Variants in KIRREL2 observed in about 807,000 individuals in gnomAD.
KIRREL2 encodes the protein kin of IRRE-like protein 2.
In KIRREL2, 56 loss-of-function variants were observed where a neutral mutation model predicts 73.4. That is an observed-to-expected ratio of 0.76 (90% CI 0.62 to 0.95). The LOEUF (loss-of-function observed/expected upper bound fraction) is 0.95. Among genes scored for constraint, KIRREL2 ranks in the 40% least tolerant of loss-of-function variants. The pLI is 0.00. For synonymous variants in KIRREL2, 407 were observed against 404.0 expected (o/e 1.01, Z -0.09); for missense variants, 896 against 935.0 (o/e 0.96, Z 0.54).
chr19:35,866,026 T>C, intron 14 of KIRREL2, 131 bp from the exon 15 acceptor site: 4 of 820,614 alleles, frequency 4.9e-6, no homozygotes, highest in Non-Finnish European at 5.9e-6. Flanking sequence ...TGTGTGTCTC[T>C]GTGTCTCTGC....
upstream of KIRREL2, among the ~76,000 whole-genome samples, chr19:35,855,442 T>C (rs1039395502): frequency 6.6e-6 from 1 of 151,758 alleles, no homozygotes; most frequent in Admixed American, 6.6e-5. Flanking sequence ...AACAGCCCCA[T>C]GACTTGAGTT....
intron 12 of KIRREL2, 148 bp from the exon 13 acceptor site, chr19:35,862,779 C>CA (rs749067975): frequency 2.6e-5 from 18 of 682,016 alleles, no homozygotes; most frequent in Admixed American, 1.2e-4. Flanking sequence ...CCCAGGGTCA[C>CA]ACTCCTCGGT....
chr19:35,854,727 A>G (rs148060673), upstream of KIRREL2, among the ~76,000 whole-genome samples: 2 of 151,712 alleles, frequency 1.3e-5, no homozygotes, highest in East Asian at 2.0e-4. Context: ...CTCCATCTCT[A>G]TATGTCTCTG....
At position 35,856,989 on chromosome 19, in the gene KIRREL2, C is replaced by T; in HGVS notation, c.-131C>T. 1 of 937,418 alleles carries T rather than the reference C, an allele frequency of 1.1e-6. No homozygotes were observed. The highest frequency in any genetic ancestry group is 1.7e-6 in the Non-Finnish European group (1 of 579,402). The allele number at this position is 937,418 out of a possible 1,614,324, so 58.1% of individuals were successfully genotyped here. Reference sequence around the variant, plus strand: ...TGAGCAGACTTGGAGGACTCCAGGCCAGAGACTAGGCTGGGCGAAGAGTCG... The same window carrying T: ...TGAGCAGACTTGGAGGACTCCAGGCTAGAGACTAGGCTGGGCGAAGAGTCG... On this transcript the variant is annotated 5_prime_UTR_variant, in exon 1 of 15. Coordinates refer to ENST00000360202, the MANE Select transcript of KIRREL2 (RefSeq NM_199180.4). The surrounding 1 kb of genome is among the most constrained non-coding windows in gnomAD (Gnocchi z 5.9).
chr19:35,861,924 C>T lies in KIRREL2; in HGVS notation c.1410C>T (p.His470=). Residue 470 remains histidine, a synonymous_variant, in exon 11 of 15, where the codon CAC becomes CAT. Coordinates refer to ENST00000360202, the MANE Select transcript of KIRREL2 (RefSeq NM_199180.4). ...GTCCGGGCCTGATCTCTGTGCTACA[C>T]ATTTCGGGGACCCAGGAGTCTGACT... is the stretch of plus-strand genomic sequence containing the variant. The part of the protein sequence containing the change: ...GLGPGLISVL[H]ISGTQESDFS... The T allele has an allele frequency of 1.2e-6, 2 of 1,612,322 alleles. No individual in the cohort carries two copies. The highest frequency in any genetic ancestry group is 1.3e-5 in the African/African-American group (1 of 75,010).
At chr19:35,863,765 C>CTTTT (rs1300301856) in intron 13 of KIRREL2, among the ~76,000 whole-genome samples, 1 of 147,026 alleles carries the variant, frequency 6.8e-6, no homozygotes, top group Non-Finnish European at 1.5e-5. Flanking sequence ...GGGCTCAAGT[C>CTTTT]TTTTTTTTTC....
In KIRREL2 at chr19:35,861,017, C is replaced by G. The variant is rs1392315889; in HGVS notation, c.1037C>G (p.Thr346Ser). 1.2e-6 allele frequency: 2 copies of G among 1,611,786 alleles called. No homozygotes were observed. The highest frequency in any genetic ancestry group is 1.7e-6 in the Non-Finnish European group (2 of 1,179,344). The change falls in exon 8 of 15, where the codon ACC (threonine) becomes AGC (serine). Residue 346 changes from threonine to serine, a missense_variant. Physicochemically the swap from Thr to Ser is moderately conservative, Grantham distance 58 (BLOSUM62 1). Transcript: ENST00000360202. ...AACCCGCTTCCACGGGTAACCTGGA[C>G]CCGCCGCGGTGGCGCGCAGGTACAG... ...RGNPLPRVTW[T>S]RRGGAQVLGS...
chr19:35,858,663 G>A (rs1973533458), intron 3 of KIRREL2, 41 bp from the exon 4 acceptor site: 1 of 1,611,216 alleles, frequency 6.2e-7, no homozygotes, highest in Non-Finnish European at 8.5e-7. Flanking sequence ...TTGGAGCTGA[G>A]AAGATCAGGA....
chr19:35,862,682 C>T lies in KIRREL2; in HGVS notation c.1615+85C>T. ...CCCAGTGACCTGACCTGGCCTTGGGCCTTGGCTCCAGTCCCATTTCCAGCT... is the reference window on the plus strand; with the variant it reads ...CCCAGTGACCTGACCTGGCCTTGGGTCTTGGCTCCAGTCCCATTTCCAGCT... On this transcript the variant is annotated intron_variant, in intron 12 of 14. Coordinates refer to ENST00000360202, the MANE Select transcript of KIRREL2 (RefSeq NM_199180.4). 3.9e-6 allele frequency: 4 copies of T among 1,028,476 alleles called. No individual in the cohort carries two copies. In the South Asian group the frequency reaches 5.2e-5, roughly 13 times the overall value. 63.7% of individuals were successfully genotyped at this position (1,028,476 alleles called of 1,614,324 possible).
At chr19:35,851,907 G>A (rs1258947180), upstream of KIRREL2, 2 of 1,376,792 alleles carry the variant, frequency 1.5e-6, no homozygotes, top group Admixed American at 3.9e-5. Context: ...GCTTTCTCTG[G>A]GTCCCTCTCT....
In KIRREL2 at chr19:35,860,298, C is replaced by A. The variant is rs779772662; in HGVS notation, c.675C>A (p.Tyr225Ter). The change falls in exon 6 of 15, where the codon TAC becomes TAA. Residue 225 changes from tyrosine to a stop codon, truncating the protein, a stop_gained and splice_region_variant. Coordinates refer to ENST00000360202, the MANE Select transcript of KIRREL2 (RefSeq NM_199180.4). LOFTEE classifies it high-confidence loss of function. ...CTGACCATTGTCCCACCCTCACAGA[C>A]CCCCCAGAGGTGACTCTGTCTGCTT... ...RDTAITLSLQ[Y>*]PPEVTLSASP... The A allele has an allele frequency of 1.6e-5, 25 of 1,612,312 alleles. No homozygotes were observed. Among genetic ancestry groups the A allele is most frequent in the South Asian group, 1.3e-4 (12 of 90,984 alleles).
In KIRREL2 at chr19:35,866,580, T is replaced by G. The variant is rs775434251; in HGVS notation, c.*88T>G. On this transcript the variant is annotated 3_prime_UTR_variant, in exon 15 of 15. Transcript: ENST00000360202. ...GAGGAGCCAGGACAAGTTGGCGACCTTACTCCTCCAAAACTGAACACAAGG... is the reference window on the plus strand; with the variant it reads ...GAGGAGCCAGGACAAGTTGGCGACCGTACTCCTCCAAAACTGAACACAAGG... 2 of 1,582,248 alleles carry G rather than the reference T, an allele frequency of 1.3e-6. No individual in the cohort carries two copies. Among genetic ancestry groups the G allele is most frequent in the Non-Finnish European group, 1.7e-6 (2 of 1,158,746 alleles).
chr19:35,866,444 T>C lies in KIRREL2; in HGVS notation c.2079T>C (p.Tyr693=), dbSNP rs770641854. ...CCCCCGGGACTCCCCCCTTCCCATA[T>C]GCTGCCTTCCCCACACCTAGCCACC... ...DLAPGTPPFP[Y]AAFPTPSHPR... Residue 693 remains tyrosine, a synonymous_variant, in exon 15 of 15, where the codon TAT becomes TAC. Transcript: ENST00000360202. The C allele has an allele frequency of 4.4e-6, 7 of 1,602,144 alleles. No individual in the cohort carries two copies. The African/African-American group carries it at 5.4e-5, about 12-fold the overall frequency.
chr19:35,857,539 A>G, intron 2 of KIRREL2, 45 bp downstream of exon 2: 1 of 1,492,798 alleles, frequency 6.7e-7, no homozygotes, highest in Non-Finnish European at 8.9e-7. Flanking sequence ...CTAGGGGGAG[A>G]GTTGCTGGGC....
At position 35,860,929 on chromosome 19, in the gene KIRREL2, A is replaced by C; in HGVS notation, c.949A>C (p.Lys317Gln). Residue 317 changes from lysine to glutamine, a missense_variant, in exon 8 of 15, where the codon AAG becomes CAG. Coordinates refer to ENST00000360202, the MANE Select transcript of KIRREL2 (RefSeq NM_199180.4). Reference sequence around the variant, plus strand: ...TCCAGTTGGGCCGATTCTGCAGGCAAAGCCGGAGCCCGTGTCCGTGGACGT... The same window carrying C: ...TCCAGTTGGGCCGATTCTGCAGGCACAGCCGGAGCCCGTGTCCGTGGACGT... ...DVLFGPILQA[K>Q]PEPVSVDVGE... The C allele has an allele frequency of 6.2e-7, 1 of 1,613,858 alleles. No homozygotes were observed. Among genetic ancestry groups the C allele is most frequent in the Non-Finnish European group, 8.5e-7 (1 of 1,179,980 alleles).
At position 35,866,412 on chromosome 19, in the gene KIRREL2, G is replaced by A. The variant is rs1033765015; in HGVS notation, c.2047G>A (p.Asp683Asn). The change falls in exon 15 of 15, where the codon GAT becomes AAT. Residue 683 changes from aspartate to asparagine, a missense_variant. Physicochemically the swap from Asp to Asn is conservative, Grantham distance 23. Transcript: ENST00000360202. ...YIKPTSFGPP[D>N]LAPGTPPFPY... ...CAAACCCACATCCTTTGGGCCCCCA[G>A]ATCTGGCCCCCGGGACTCCCCCCTT... 2 of 1,611,506 alleles carry A rather than the reference G, an allele frequency of 1.2e-6. No homozygotes were observed. Among genetic ancestry groups the A allele is most frequent in the Admixed American group, 3.3e-5 (2 of 59,876 alleles).
At chr19:35,865,759 G>A (rs1380974882) in intron 14 of KIRREL2, among the ~76,000 whole-genome samples, 1 of 152,090 alleles carries the variant, frequency 6.6e-6, no homozygotes, top group African/African-American at 2.4e-5. Context: ...TTTTCCTTTG[G>A]TGTGGGATTC....
upstream of KIRREL2, among the ~76,000 whole-genome samples, chr19:35,856,190 C>G (rs1599854380): frequency 2.0e-5 from 3 of 152,204 alleles, no homozygotes; most frequent in South Asian, 4.1e-4. This position sits in a 1 kb window ranked among gnomAD's most constrained non-coding sequence, Gnocchi z 5.9. Flanking sequence ...TGCATGGAGC[C>G]GTCAGGACAA....
chr19:35,866,151 C>T lies in KIRREL2; in HGVS notation c.1792-6C>T. 6.2e-7 allele frequency: 1 copy of T among 1,602,978 alleles called. No homozygotes were observed. The highest frequency in any genetic ancestry group is 8.5e-7 in the Non-Finnish European group (1 of 1,177,368). ...AGACTTTACTGAGTCCCATTTGTCC[C>T]CTCAGGACCCAACCAACGGTTACTA... On this transcript the variant is annotated splice_polypyrimidine_tract_variant and splice_region_variant and intron_variant, in intron 14 of 14. Coordinates refer to ENST00000360202, the MANE Select transcript of KIRREL2 (RefSeq NM_199180.4).
Sources: gnomAD v4.1 joint callset for allele counts (sites outside exome capture counted in the v4.1 genomes callset) on GRCh38, gnomAD v4.1.1 for gene constraint, Gnocchi (gnomAD v3.1) non-coding constraint, MANE v1.5 for transcripts, NCBI Gene and HGNC (gene_info 2026-07-23, HGNC 2026-07-21) for gene names.